The following NBEA variants were observed in gnomAD, a reference collection of about 807,000 sequenced individuals.
NBEA encodes the protein neurobeachin, also known as lysosomal-trafficking regulator 2.
NBEA carries 44 observed loss-of-function variants against 343.4 expected under a neutral mutation model. The observed-to-expected ratio is 0.13, with a 90% CI of 0.10 to 0.16. The LOEUF (loss-of-function observed/expected upper bound fraction) is 0.16. NBEA is among the 10% of genes least tolerant of loss of function. The probability of loss-of-function intolerance (pLI) is 1.00; values close to 1 mark genes in which losing one functional copy is unlikely to be tolerated. For synonymous variants in NBEA, 1,175 were observed against 1,238.7 expected, an observed-to-expected ratio of 0.95 and a Z score of 1.08; for missense variants, 2,555 against 3,631.3, an observed-to-expected ratio of 0.70 and a Z score of 7.62.
chr13:35,226,596 T>G (rs991030241), intron 33 of NBEA, among the ~76,000 whole-genome samples: 1 of 152,130 alleles, frequency 6.6e-6, no homozygotes, highest in African/African-American at 2.4e-5. Context: ...AGACTTACAT[T>G]CTTGAGTTTA....
chr13:35,413,815 T>G (rs1396702443), intron 38 of NBEA, among the ~76,000 whole-genome samples: 2 of 152,144 alleles, frequency 1.3e-5, no homozygotes, highest in African/African-American at 4.8e-5. Flanking sequence ...GCTCAATGTT[T>G]CTGTATAATT....
rs545518166 is a variant in NBEA at position 35,665,785 on chromosome 13, C to T, written c.8464+599C>T. ...GGGATTACAGGCGCCCGCAACCAAG[C>T]CTGGCTAATTTTTTGTATTTTCAGT... is the stretch of plus-strand genomic sequence containing the variant. On this transcript the variant is annotated intron_variant, in intron 56 of 58. Coordinates refer to ENST00000379939, the MANE Select transcript of NBEA (RefSeq NM_001385012.1). 7.2e-5 allele frequency among the ~76,000 whole-genome samples: 11 copies of T among 152,254 alleles called. No homozygotes were observed. In the South Asian group the frequency reaches 2.3e-3, roughly 32 times the overall value.
intron 39 of NBEA, among the ~76,000 whole-genome samples, chr13:35,440,201 G>A (rs1338342050): frequency 1.3e-5 from 2 of 152,024 alleles, no homozygotes; most frequent in African/African-American, 4.8e-5. Flanking sequence ...TAATTTTAAG[G>A]TATACAAACA....
chr13:35,260,082 G>T (rs1348988488), intron 34 of NBEA, among the ~76,000 whole-genome samples: 1 of 152,248 alleles, frequency 6.6e-6, no homozygotes, highest in South Asian at 2.1e-4. Flanking sequence ...TACAATCAAG[G>T]ATTTTACTTC....
At chr13:35,364,406 A>G (rs2040989154) in intron 38 of NBEA, among the ~76,000 whole-genome samples, 1 of 151,916 alleles carries the variant, frequency 6.6e-6, no homozygotes, top group African/African-American at 2.4e-5. Flanking sequence ...TTGAGACACA[A>G]GTAAGGAAGT....
intron 1 of NBEA, among the ~76,000 whole-genome samples, chr13:35,031,980 T>G (rs2062240122): frequency 6.6e-6 from 1 of 151,832 alleles, no homozygotes; most frequent in Non-Finnish European, 1.5e-5. Flanking sequence ...AGACATGGTA[T>G]TGTTCCTTTT....
chr13:35,259,405 G>A (rs1275217096), intron 34 of NBEA, among the ~76,000 whole-genome samples: 1 of 152,014 alleles, frequency 6.6e-6, no homozygotes, highest in Non-Finnish European at 1.5e-5. Flanking sequence ...TGCCTAACTA[G>A]CAGTGAGCAG....
At chr13:35,208,596 A>G in intron 31 of NBEA, 104 bp from the exon 32 acceptor site, 1 of 1,043,712 alleles carries the variant, frequency 9.6e-7, no homozygotes, top group Non-Finnish European at 1.3e-6. Context: ...AATTAAAAGA[A>G]GAGAGGGAGA....
chr13:35,416,549 G>A (rs927188797), intron 38 of NBEA, among the ~76,000 whole-genome samples: 1 of 151,912 alleles, frequency 6.6e-6, no homozygotes, highest in African/African-American at 2.4e-5. Flanking sequence ...TATTGATTTG[G>A]GTATGTTGAA....
chr13:35,580,151 C>T (rs2080949155), intron 45 of NBEA, among the ~76,000 whole-genome samples: 1 of 151,870 alleles, frequency 6.6e-6, no homozygotes, highest in Non-Finnish European at 1.5e-5. Context: ...ATTTTTTGCA[C>T]CATTTTTTCC....
In NBEA at chr13:35,472,216, C is replaced by T. The variant is rs148323420; in HGVS notation, c.6449-184C>T. On this transcript the variant is annotated intron_variant, in intron 40 of 58. Transcript: ENST00000379939. ...TCATACCATTTTTTCTCTCTAGTCT[C>T]GTTATAAGGTAATGTATAAAAGCTA... Among the ~76,000 whole-genome samples, 608 of 152,288 alleles carry T rather than the reference C, an allele frequency of 4.0e-3. 5 individuals carry two copies. The highest frequency in any genetic ancestry group is 0.014 in the African/African-American group (587 of 41,544).
At chr13:35,003,785 AT>A (rs763767720) in intron 1 of NBEA, among the ~76,000 whole-genome samples, 7 of 151,954 alleles carry the variant, frequency 4.6e-5, no homozygotes, top group Non-Finnish European at 8.8e-5. Flanking sequence ...AGAAAATTTA[AT>A]TTTATTTTAA....
At chr13:35,228,715 T>C (rs966758362) in intron 33 of NBEA, among the ~76,000 whole-genome samples, 3 of 152,134 alleles carry the variant, frequency 2.0e-5, no homozygotes, top group African/African-American at 7.2e-5. Context: ...CTTAAGAGTT[T>C]ACACTTACTA....
chr13:34,974,681 G>A (rs2060108258), intron 1 of NBEA, among the ~76,000 whole-genome samples: 1 of 152,084 alleles, frequency 6.6e-6, no homozygotes, highest in Admixed American at 6.5e-5. Flanking sequence ...AATATTTTAG[G>A]GATAGAATAA....
chr13:34,945,864 G>A (rs2059170934), intron 1 of NBEA, among the ~76,000 whole-genome samples: 4 of 152,100 alleles, frequency 2.6e-5, no homozygotes, highest in Non-Finnish European at 1.5e-5. Flanking sequence ...GCAGAGTGAA[G>A]TTTTAAGCAT....
intron 33 of NBEA, among the ~76,000 whole-genome samples, chr13:35,217,259 T>A (rs1003234109): frequency 6.6e-6 from 1 of 152,088 alleles, no homozygotes; most frequent in Non-Finnish European, 1.5e-5. Context: ...GTTTTTGTTA[T>A]ATTCAAATAC....
chr13:35,645,928 T>C lies in NBEA; in HGVS notation c.7677T>C (p.Ile2559=), dbSNP rs1182815871. The C allele has an allele frequency of 6.4e-7, 1 of 1,553,272 alleles. No individual in the cohort carries two copies. The highest frequency in any genetic ancestry group is 8.8e-7 in the Non-Finnish European group (1 of 1,139,852). Residue 2559 remains isoleucine (I), a synonymous_variant, in exon 50 of 59, where the codon ATT becomes ATC. Transcript: ENST00000379939. ...CTTTCCTTCTTACAAAGGACTTTAT[T>C]AAGGTATATGTTCTGTATTTAGTGT... The part of the protein sequence containing the change: ...PHTFLLTKDF[I]KAMEAQIQNF...
At chr13:35,551,143 AT>A (rs1262850584) in intron 43 of NBEA, 111 bp downstream of exon 43, 1 of 586,416 alleles carries the variant, frequency 1.7e-6, no homozygotes, top group East Asian at 3.2e-5. Context: ...AGACCAAAGA[AT>A]TTTCTTTCTC....
chr13:35,404,652 T>C (rs1180149554), intron 38 of NBEA, among the ~76,000 whole-genome samples: 1 of 147,792 alleles, frequency 6.8e-6, no homozygotes, highest in African/African-American at 2.5e-5. Flanking sequence ...TACCTAATGC[T>C]AAATGACGAG....
Sources: gnomAD v4.1 joint callset for allele counts (sites outside exome capture counted in the v4.1 genomes callset) on GRCh38, gnomAD v4.1.1 for gene constraint, MANE v1.5 for transcripts, NCBI Gene and HGNC (gene_info 2026-07-23, HGNC 2026-07-21) for gene names.